The following TMEM132D variants were observed in gnomAD, a reference collection of about 807,000 sequenced individuals.
TMEM132D encodes the protein mature OL transmembrane protein.
In TMEM132D, 21 loss-of-function variants were observed where a neutral mutation model predicts 62.3. The observed-to-expected ratio is 0.34, with a 90% CI of 0.24 to 0.49. The LOEUF is 0.49. TMEM132D is among the 20% of genes least tolerant of loss of function. TMEM132D has a pLI of 0.99. For missense variants in TMEM132D, 1,346 were observed against 1,402.8 expected (o/e 0.96, Z 0.65); for synonymous variants, 621 against 575.6 (o/e 1.08, Z -1.13).
intron 5 of TMEM132D, among the ~76,000 whole-genome samples, chr12:129,157,061 C>G (rs1283133899): frequency 6.6e-6 from 1 of 152,008 alleles, no homozygotes; most frequent in Non-Finnish European, 1.5e-5. Context: ...ATCAACTTCT[C>G]CAATAACTAG....
chr12:129,854,125 T>A (rs1873636314), intron 1 of TMEM132D, among the ~76,000 whole-genome samples: 1 of 152,196 alleles, frequency 6.6e-6, no homozygotes, highest in South Asian at 2.1e-4. Flanking sequence ...CGTCACTGGC[T>A]GTTCTAAGTG....
chr12:129,652,214 T>C lies in TMEM132D; in HGVS notation c.968+47596A>G, dbSNP rs76083646. ...GTTCTTCCAACGTAGAAGAACGGTA[T>C]AGAACTTGGGTATATATTTTCTGAT... On this transcript the variant is annotated intron_variant, in intron 2 of 8. Coordinates refer to ENST00000422113, the MANE Select transcript of TMEM132D (RefSeq NM_133448.3). Among the ~76,000 whole-genome samples the C allele has an allele frequency of 1.6e-4, 24 of 152,330 alleles. No homozygotes were observed. The East Asian group carries it at 2.1e-3, about 13-fold the overall frequency.
chr12:129,499,898 C>T (rs1304148881), intron 3 of TMEM132D, among the ~76,000 whole-genome samples: 1 of 152,026 alleles, frequency 6.6e-6, no homozygotes, highest in Admixed American at 6.5e-5. Context: ...ATTCACCTGA[C>T]CTCATCTGTC....
At chr12:129,872,408 G>A (rs1874277955) in intron 1 of TMEM132D, among the ~76,000 whole-genome samples, 1 of 152,144 alleles carries the variant, frequency 6.6e-6, no homozygotes, top group Non-Finnish European at 1.5e-5. Flanking sequence ...TAAACATCAC[G>A]ATCCCCTGCC....
chr12:129,121,715 A>G (rs1876070797), intron 5 of TMEM132D, among the ~76,000 whole-genome samples: 1 of 152,198 alleles, frequency 6.6e-6, no homozygotes, highest in Admixed American at 6.5e-5. Context: ...CACCCCGGCC[A>G]CCACAGCACA....
chr12:129,798,480 A>G (rs778160038), intron 1 of TMEM132D, among the ~76,000 whole-genome samples: 1 of 152,218 alleles, frequency 6.6e-6, no homozygotes. Flanking sequence ...TTTAATTTTT[A>G]TAAACTTAAC....
At chr12:129,799,549 C>T (rs545357636) in intron 1 of TMEM132D, among the ~76,000 whole-genome samples, 35 of 152,074 alleles carry the variant, frequency 2.3e-4, no homozygotes, top group African/African-American at 8.0e-4. Context: ...AGGTTTTCCT[C>T]GTCTCCACCG....
intron 5 of TMEM132D, among the ~76,000 whole-genome samples, chr12:129,098,355 G>A (rs571509366): frequency 2.8e-4 from 42 of 152,168 alleles, no homozygotes; most frequent in Non-Finnish European, 5.7e-4. Context: ...ACCAAAATTC[G>A]TAAGAATGAT....
chr12:129,257,570 G>A (rs1375490144), intron 4 of TMEM132D, among the ~76,000 whole-genome samples: 1 of 152,184 alleles, frequency 6.6e-6, no homozygotes, highest in Non-Finnish European at 1.5e-5. Context: ...ATTTTCAGCT[G>A]AAGAAATACA....
intron 5 of TMEM132D, among the ~76,000 whole-genome samples, chr12:129,146,003 T>C (rs546025738): frequency 6.6e-6 from 1 of 152,154 alleles, no homozygotes; most frequent in Admixed American, 6.5e-5. Flanking sequence ...TACACCATGA[T>C]GTTTTGGTAT....
At chr12:129,588,755 T>A (rs1259081093) in intron 2 of TMEM132D, among the ~76,000 whole-genome samples, 1 of 148,842 alleles carries the variant, frequency 6.7e-6, no homozygotes, top group African/African-American at 2.5e-5. Context: ...TTTCTTTTTT[T>A]TTTTTTTTTT....
chr12:129,844,521 G>A (rs1461060893), intron 1 of TMEM132D, among the ~76,000 whole-genome samples: 1 of 152,106 alleles, frequency 6.6e-6, no homozygotes, highest in Non-Finnish European at 1.5e-5. Context: ...GCAATTTCAC[G>A]GATGTTCATC....
chr12:129,369,060 G>C (rs1870513612), intron 3 of TMEM132D, among the ~76,000 whole-genome samples: 1 of 152,144 alleles, frequency 6.6e-6, no homozygotes, highest in Admixed American at 6.5e-5. Context: ...TACCAGCCAA[G>C]GAGTAGCTAC....
rs1293959053 is a variant in TMEM132D, at chr12:129,371,866, G to A, written c.1116-34049C>T. Among the ~76,000 whole-genome samples, 2 of 152,172 alleles carry A rather than the reference G, an allele frequency of 1.3e-5. No homozygotes were observed. Among genetic ancestry groups the A allele is most frequent in the Non-Finnish European group, 2.9e-5 (2 of 68,032 alleles). ...TTGCTGTGTCACATCCATGAGTTGT[G>A]AGGCATGTTCTGGGGAATAAGATAT... On this transcript the variant is annotated intron_variant, in intron 3 of 8. Coordinates refer to ENST00000422113, the MANE Select transcript of TMEM132D (RefSeq NM_133448.3). The surrounding 1 kb of genome is among the most constrained non-coding windows in gnomAD (Gnocchi z 4.3).
chr12:129,789,308 C>T lies in TMEM132D; in HGVS notation c.80-88610G>A, dbSNP rs144345041. 7.2e-4 allele frequency among the ~76,000 whole-genome samples: 109 copies of T among 152,102 alleles called. No homozygotes were observed. In the East Asian group the frequency reaches 8.4e-3, roughly 12 times the overall value. Reference sequence around the variant, plus strand: ...CTTAGCTCCTACTTATAAGGGAGAACAAACAATATTTGATTTCCCATTCAT... The same window carrying T: ...CTTAGCTCCTACTTATAAGGGAGAATAAACAATATTTGATTTCCCATTCAT... On this transcript the variant is annotated intron_variant, in intron 1 of 8. Transcript: ENST00000422113.
intron 2 of TMEM132D, among the ~76,000 whole-genome samples, chr12:129,637,063 A>C (rs1879502661): frequency 6.6e-6 from 1 of 152,210 alleles, no homozygotes; most frequent in African/African-American, 2.4e-5. Context: ...CTAAATTTCC[A>C]GTCAAAGATG....
intron 5 of TMEM132D, among the ~76,000 whole-genome samples, chr12:129,087,913 G>A (rs1467826116): frequency 8.3e-6 from 1 of 120,326 alleles, no homozygotes; most frequent in African/African-American, 3.6e-5. Context: ...TGACCGGGGT[G>A]TCCTCCCTGA....
chr12:129,423,695 G>A (rs888027491), intron 3 of TMEM132D, among the ~76,000 whole-genome samples: 6 of 152,074 alleles, frequency 3.9e-5, no homozygotes, highest in Admixed American at 2.6e-4. Flanking sequence ...ATGCTAATAC[G>A]GACAGACCCT....
At chr12:129,442,846 G>A (rs12309063) in intron 3 of TMEM132D, among the ~76,000 whole-genome samples, 1 of 152,126 alleles carries the variant, frequency 6.6e-6, no homozygotes, top group Admixed American at 6.5e-5. Flanking sequence ...CTTGGTGTCT[G>A]CAAGAGGTAC....
Sources: gnomAD v4.1 joint callset for allele counts (sites outside exome capture counted in the v4.1 genomes callset) on GRCh38, gnomAD v4.1.1 for gene constraint, Gnocchi (gnomAD v3.1) non-coding constraint, MANE v1.5 for transcripts, NCBI Gene and HGNC (gene_info 2026-07-23, HGNC 2026-07-21) for gene names.